The following KIRREL3 variants were observed in gnomAD, a reference collection of about 807,000 sequenced individuals.
KIRREL3 encodes kirre like nephrin family adhesion molecule 3.
Under a neutral mutation model 89.7 loss-of-function variants are expected in KIRREL3, and 36 were observed. That is an observed-to-expected ratio of 0.40 (90% confidence interval 0.31 to 0.53). The LOEUF (loss-of-function observed/expected upper bound fraction) is 0.53, where lower values mean the gene tolerates loss of function less well. KIRREL3 is among the 20% of genes least tolerant of loss of function. The probability of loss-of-function intolerance (pLI) is 0.49; values close to 1 mark genes in which losing one functional copy is unlikely to be tolerated. For synonymous variants in KIRREL3, 445 were observed against 441.4 expected (o/e 1.01, Z -0.10); for missense variants, 864 against 1,056.6 (o/e 0.82, Z 2.53).
rs1282601000 is a variant in KIRREL3, at chr11:126,905,202, T to C, written c.55+95253A>G. Among the ~76,000 whole-genome samples the C allele has an allele frequency of 6.6e-6, 1 of 152,126 alleles. No individual in the cohort carries two copies. The highest frequency in any genetic ancestry group is 1.5e-5 in the Non-Finnish European group (1 of 68,032). On this transcript the variant is annotated intron_variant, in intron 1 of 16. Coordinates refer to ENST00000525144, the MANE Select transcript of KIRREL3 (RefSeq NM_032531.4). The surrounding 1 kb of genome is among the most constrained non-coding windows in gnomAD (Gnocchi z 5.0). ...TGGCTTCCCTACTTGAAGGCAGGGC[T>C]TGGCTTACTTCCAATAAGTCACCTT...
At chr11:126,887,231 G>A (rs1000647639) in intron 1 of KIRREL3, among the ~76,000 whole-genome samples, 9 of 152,194 alleles carry the variant, frequency 5.9e-5, no homozygotes, top group African/African-American at 2.4e-5. Flanking sequence ...ACTGTCCAAA[G>A]CTCCTGATAA....
intron 1 of KIRREL3, among the ~76,000 whole-genome samples, chr11:126,599,159 CA>C (rs1321609601): frequency 6.6e-6 from 1 of 152,220 alleles, no homozygotes; most frequent in African/African-American, 2.4e-5. Context: ...AAGAACCCCA[CA>C]TTGGCCCCTC....
chr11:126,581,355 A>AT (rs1941542671), intron 1 of KIRREL3, among the ~76,000 whole-genome samples: 2 of 152,054 alleles, frequency 1.3e-5, no homozygotes. Flanking sequence ...GGCACCCGCC[A>AT]TCATGCCTGG....
intron 1 of KIRREL3, among the ~76,000 whole-genome samples, chr11:126,678,925 T>C (rs999405691): frequency 6.6e-6 from 1 of 152,204 alleles, no homozygotes; most frequent in Non-Finnish European, 1.5e-5. Context: ...ATGTAGCTAC[T>C]CAAAAGCCGC....
rs28479204 is a variant in KIRREL3 at position 126,457,211 on chromosome 11, A to G, written c.743-757T>C. Among the ~76,000 whole-genome samples, 66 of 74,478 alleles carry G rather than the reference A, an allele frequency of 8.9e-4. No homozygotes were observed. In the East Asian group the frequency reaches 0.019, roughly 22 times the overall value. 48.9% of individuals were successfully genotyped at this position (74,478 alleles called of 152,430 possible). ...TGTGTGTGTGTGTGTGTGTGTGTGT[A>G]TGTGTATGTGTGTGTATGCATGTGT... is the stretch of plus-strand genomic sequence containing the variant. On this transcript the variant is annotated intron_variant, in intron 6 of 16. Transcript: ENST00000525144.
intron 1 of KIRREL3, among the ~76,000 whole-genome samples, chr11:126,616,704 T>C (rs1444909830): frequency 6.6e-6 from 1 of 152,234 alleles, no homozygotes; most frequent in Non-Finnish European, 1.5e-5. Context: ...TTTCATGGTA[T>C]GATCATGGCT....
chr11:126,882,227 T>G (rs1269843919), intron 1 of KIRREL3, among the ~76,000 whole-genome samples: 1 of 152,212 alleles, frequency 6.6e-6, no homozygotes, highest in Non-Finnish European at 1.5e-5. Context: ...CTTGTTAAAG[T>G]GTAAGCAGGT....
At position 126,912,625 on chromosome 11, in the gene KIRREL3, C is replaced by T. The variant is rs1946869677; in HGVS notation, c.55+87830G>A. Among the ~76,000 whole-genome samples the T allele has an allele frequency of 6.6e-6, 1 of 152,228 alleles. No homozygotes were observed. Among genetic ancestry groups the T allele is most frequent in the African/African-American group, 2.4e-5 (1 of 41,466 alleles). ...TGAACAGGAGAAGGGAGAAGAACTT[C>T]ACCTTCCTTCAAGAGGCCATGCTGG... is the stretch of plus-strand genomic sequence containing the variant. On this transcript the variant is annotated intron_variant, in intron 1 of 16. Coordinates refer to ENST00000525144, the MANE Select transcript of KIRREL3 (RefSeq NM_032531.4). This position sits in a 1 kb window ranked among gnomAD's most constrained non-coding sequence, Gnocchi z 4.7.
In KIRREL3 at chr11:126,513,072, G is replaced by T. The variant is rs1473707131; in HGVS notation, c.433+8243C>A. ...AGTTTCCAATGCCCTGGGGATGGTG[G>T]TGACACACTCCAGAACTTCCCAGGG... On this transcript the variant is annotated intron_variant, in intron 4 of 16. Coordinates refer to ENST00000525144, the MANE Select transcript of KIRREL3 (RefSeq NM_032531.4). This position sits in a 1 kb window ranked among gnomAD's most constrained non-coding sequence, Gnocchi z 5.9. Among the ~76,000 whole-genome samples the T allele has an allele frequency of 6.6e-6, 1 of 152,068 alleles. No homozygotes were observed. The highest frequency in any genetic ancestry group is 2.4e-5 in the African/African-American group (1 of 41,406).
At chr11:126,785,481 A>T (rs1283600085) in intron 1 of KIRREL3, among the ~76,000 whole-genome samples, 1 of 152,076 alleles carries the variant, frequency 6.6e-6, no homozygotes, top group African/African-American at 2.4e-5. Flanking sequence ...CTTCTCAAGA[A>T]GCCTTCTTTC....
chr11:126,854,126 T>TTGTGTG (rs375873911), intron 1 of KIRREL3, among the ~76,000 whole-genome samples: 47,350 of 143,680 alleles, frequency 0.33, 8,059 homozygotes, highest in East Asian at 0.62. Flanking sequence ...AATAAGTTTC[T>TTGTGTG]TGTGTGTGTG....
rs114236207 is a variant in KIRREL3, at chr11:126,912,803, A to G, written c.55+87652T>C. On this transcript the variant is annotated intron_variant, in intron 1 of 16. Coordinates refer to ENST00000525144, the MANE Select transcript of KIRREL3 (RefSeq NM_032531.4). This position sits in a 1 kb window ranked among gnomAD's most constrained non-coding sequence, Gnocchi z 4.7. ...TGGCAGGTGAAGTATAGCGAAGAGGAACTTGGCGTGATAATGGAACCTAGT... is the reference window on the plus strand; with the variant it reads ...TGGCAGGTGAAGTATAGCGAAGAGGGACTTGGCGTGATAATGGAACCTAGT... Among the ~76,000 whole-genome samples, 1,332 of 152,274 alleles carry G rather than the reference A, an allele frequency of 8.7e-3. 22 individuals carry two copies. Among genetic ancestry groups the G allele is most frequent in the African/African-American group, 0.031 (1,274 of 41,556 alleles).
intron 1 of KIRREL3, among the ~76,000 whole-genome samples, chr11:126,871,930 G>T (rs370710376): frequency 6.6e-6 from 1 of 152,208 alleles, no homozygotes; most frequent in East Asian, 1.9e-4. Context: ...GAGTGGAAGA[G>T]GAGGTGTGAC....
At position 126,428,169 on chromosome 11, in the gene KIRREL3, C is replaced by T. The variant is rs1403142897; in HGVS notation, c.1806+1010G>A. Reference sequence around the variant, plus strand: ...CCCTTCTGAGTTTTGTCCACTTCACCCTCACCACAGCCCTGTATACTGTGG... The same window carrying T: ...CCCTTCTGAGTTTTGTCCACTTCACTCTCACCACAGCCCTGTATACTGTGG... On this transcript the variant is annotated intron_variant, in intron 15 of 16. Transcript: ENST00000525144. The surrounding 1 kb of genome is among the most constrained non-coding windows in gnomAD (Gnocchi z 6.4). 1.3e-5 allele frequency among the ~76,000 whole-genome samples: 2 copies of T among 152,174 alleles called. No homozygotes were observed. Among genetic ancestry groups the T allele is most frequent in the African/African-American group, 4.8e-5 (2 of 41,444 alleles).
At chr11:126,841,949 G>C (rs1445431448) in intron 1 of KIRREL3, among the ~76,000 whole-genome samples, 1 of 152,196 alleles carries the variant, frequency 6.6e-6, no homozygotes, top group Admixed American at 6.5e-5. Flanking sequence ...GCAGTCCTAG[G>C]GGGTAACCTT....
intron 5 of KIRREL3, among the ~76,000 whole-genome samples, chr11:126,468,912 C>T (rs928282797): frequency 6.6e-6 from 1 of 152,196 alleles, no homozygotes; most frequent in Non-Finnish European, 1.5e-5. Context: ...GCCTTCAGAA[C>T]CATGTGGCCA....
rs749565849 is a variant in KIRREL3 at position 126,860,599 on chromosome 11, T to G, written c.55+139856A>C. Among the ~76,000 whole-genome samples, 19 of 152,298 alleles carry G rather than the reference T, an allele frequency of 1.2e-4. No homozygotes were observed. The highest frequency in any genetic ancestry group is 8.3e-4 in the South Asian group (4 of 4,814). ...GGCCAGGCAGCCAAAGGCCTTGGAT[T>G]AGGGCTGAAGAGTTGGGACCTACCC... is the stretch of plus-strand genomic sequence containing the variant. On this transcript the variant is annotated intron_variant, in intron 1 of 16. Coordinates refer to ENST00000525144, the MANE Select transcript of KIRREL3 (RefSeq NM_032531.4). This position sits in a 1 kb window ranked among gnomAD's most constrained non-coding sequence, Gnocchi z 4.6.
At chr11:126,599,394 T>C (rs1467839993) in intron 1 of KIRREL3, among the ~76,000 whole-genome samples, 1 of 152,120 alleles carries the variant, frequency 6.6e-6, no homozygotes, top group Non-Finnish European at 1.5e-5. Flanking sequence ...CCTGACTCTT[T>C]TCTTCTTCTT....
chr11:126,735,750 A>G (rs1352064544), intron 1 of KIRREL3, among the ~76,000 whole-genome samples: 4 of 152,256 alleles, frequency 2.6e-5, no homozygotes, highest in Non-Finnish European at 4.4e-5. Flanking sequence ...ACCAAAGAGG[A>G]GACATAAACT....
Sources: gnomAD v4.1 joint callset for allele counts (sites outside exome capture counted in the v4.1 genomes callset) on GRCh38, gnomAD v4.1.1 for gene constraint, Gnocchi (gnomAD v3.1) non-coding constraint, MANE v1.5 for transcripts, NCBI Gene and HGNC (gene_info 2026-07-23, HGNC 2026-07-21) for gene names.